The following ME3 variants were observed in gnomAD, a reference collection of about 807,000 sequenced individuals.
ME3 encodes the protein malic enzyme 3.
Under a neutral mutation model 68.9 loss-of-function variants are expected in ME3, and 48 were observed. That is an observed-to-expected ratio of 0.70 (90% confidence interval 0.55 to 0.89). ME3 has a LOEUF of 0.89. ME3 is among the 40% of genes least tolerant of loss of function. The pLI, the probability that ME3 is intolerant of heterozygous loss-of-function variation, is 0.00. For synonymous variants in ME3, 320 were observed against 318.8 expected (o/e 1.00, Z -0.04); for missense variants, 675 against 797.4 (o/e 0.85, Z 1.85).
chr11:86,641,187 T>C (rs771373905), intron 2 of ME3, among the ~76,000 whole-genome samples: 2 of 151,948 alleles, frequency 1.3e-5, no homozygotes, highest in Non-Finnish European at 2.9e-5. Flanking sequence ...AAGGACAAAA[T>C]AGGAGAAAAG....
At position 86,633,940 on chromosome 11, in the gene ME3, G is replaced by A. The variant is rs80230078; in HGVS notation, c.183+37822C>T. ...TGGCTCACAGCCCCATGCTGATTCTGCCATGACGGTGCCTTTGGAGTCCAG... is the reference window on the plus strand; with the variant it reads ...TGGCTCACAGCCCCATGCTGATTCTACCATGACGGTGCCTTTGGAGTCCAG... On this transcript the variant is annotated intron_variant, in intron 2 of 14. Transcript: ENST00000543262. Among the ~76,000 whole-genome samples the A allele has an allele frequency of 3.0e-3, 453 of 152,282 alleles. 2 individuals carry two copies. Among genetic ancestry groups the A allele is most frequent in the Middle Eastern group, 0.02 (6 of 294 alleles).
chr11:86,610,243 A>G (rs1049334051), intron 2 of ME3, among the ~76,000 whole-genome samples: 1 of 152,186 alleles, frequency 6.6e-6, no homozygotes, highest in Non-Finnish European at 1.5e-5. Flanking sequence ...AGATGTATTT[A>G]TAATGTTTCA....
chr11:86,505,064 T>A (rs1371462409), intron 5 of ME3, among the ~76,000 whole-genome samples: 1 of 152,132 alleles, frequency 6.6e-6, no homozygotes, highest in Non-Finnish European at 1.5e-5. Context: ...CCAGTGACTG[T>A]GGGAACAGAA....
intron 6 of ME3, among the ~76,000 whole-genome samples, chr11:86,493,965 G>A (rs1193725627): frequency 2.0e-5 from 3 of 151,850 alleles, no homozygotes; most frequent in African/African-American, 4.8e-5. Context: ...AGAAGGCCAA[G>A]CTTCCCTCTG....
At chr11:86,441,541 C>A in intron 14 of ME3, 101 bp from the exon 15 acceptor site, 5 of 1,174,108 alleles carry the variant, frequency 4.3e-6, no homozygotes, top group Non-Finnish European at 2.3e-6. Flanking sequence ...CCTTAAGGAA[C>A]CAGACTTGTT....
At chr11:86,474,379 TTGTC>T (rs1372185685) in intron 7 of ME3, among the ~76,000 whole-genome samples, 4 of 152,158 alleles carry the variant, frequency 2.6e-5, no homozygotes, top group African/African-American at 9.7e-5. Flanking sequence ...TTTTCCCTGT[TTGTC>T]TGAGTTCCGG....
At chr11:86,646,878 A>C (rs1945052467) in intron 2 of ME3, among the ~76,000 whole-genome samples, 1 of 152,240 alleles carries the variant, frequency 6.6e-6, no homozygotes, top group Non-Finnish European at 1.5e-5. Context: ...ACAAGCCAAA[A>C]GAGAGTGAAG....
chr11:86,582,239 G>T (rs969027189), intron 2 of ME3, among the ~76,000 whole-genome samples: 1 of 152,230 alleles, frequency 6.6e-6, no homozygotes, highest in Non-Finnish European at 1.5e-5. Flanking sequence ...TAGTTCCTCT[G>T]TTGGGAATGA....
At chr11:86,475,851 GTATATA>G (rs68158647) in intron 7 of ME3, among the ~76,000 whole-genome samples, 64 of 114,632 alleles carry the variant, frequency 5.6e-4, no homozygotes, top group Middle Eastern at 4.4e-3. Context: ...CTAATATTCA[GTATATA>G]TATATATATA....
At chr11:86,492,687 G>A (rs573814384) in intron 6 of ME3, among the ~76,000 whole-genome samples, 5 of 152,338 alleles carry the variant, frequency 3.3e-5, no homozygotes, top group African/African-American at 1.2e-4. Context: ...CCTCTGCTGT[G>A]GGAGTTAGAG....
intron 4 of ME3, among the ~76,000 whole-genome samples, chr11:86,549,532 T>G (rs550358677): frequency 4.4e-4 from 67 of 152,338 alleles, no homozygotes; most frequent in Non-Finnish European, 8.4e-4. Context: ...TTCAAATTCC[T>G]GAAAAGGACA....
intron 2 of ME3, among the ~76,000 whole-genome samples, chr11:86,629,550 C>G (rs1156688582): frequency 6.6e-6 from 1 of 152,162 alleles, no homozygotes; most frequent in Admixed American, 6.5e-5. Flanking sequence ...GCCTGAGACA[C>G]TGTATGAAGA....
chr11:86,595,244 CAT>C (rs1298707132), intron 2 of ME3, among the ~76,000 whole-genome samples: 2 of 141,930 alleles, frequency 1.4e-5, no homozygotes, highest in South Asian at 2.4e-4. Flanking sequence ...TTGTTTATCA[CAT>C]GTTAGAAATT....
chr11:86,445,377 G>C (rs1336523056), intron 13 of ME3, among the ~76,000 whole-genome samples: 1 of 152,244 alleles, frequency 6.6e-6, no homozygotes, highest in East Asian at 1.9e-4. Flanking sequence ...GTAGCTCCCT[G>C]TGGGACTCAC....
At chr11:86,457,611 G>A (rs927735042) in intron 8 of ME3, 2 of 1,238,492 alleles carry the variant, frequency 1.6e-6, no homozygotes, top group African/African-American at 3.1e-5. Flanking sequence ...GGTGCTCTTG[G>A]GCTATGCACT....
At chr11:86,467,960 A>C (rs567258559) in intron 7 of ME3, among the ~76,000 whole-genome samples, 2 of 152,244 alleles carry the variant, frequency 1.3e-5, no homozygotes, top group African/African-American at 4.8e-5. Flanking sequence ...CTGGATTCAT[A>C]GTTCCTAGAA....
chr11:86,668,433 A>T (rs1340656307), intron 2 of ME3, among the ~76,000 whole-genome samples: 4 of 152,184 alleles, frequency 2.6e-5, no homozygotes, highest in African/African-American at 9.7e-5. Context: ...TAGATCCACT[A>T]AGCTAATTTC....
At chr11:86,495,364 T>C (rs1027956438) in intron 6 of ME3, among the ~76,000 whole-genome samples, 2 of 152,220 alleles carry the variant, frequency 1.3e-5, no homozygotes, top group Non-Finnish European at 2.9e-5. Context: ...AGCTCTAAAC[T>C]TCAGCATATC....
intron 13 of ME3, among the ~76,000 whole-genome samples, chr11:86,444,556 G>T (rs996655017): frequency 1.3e-5 from 2 of 152,194 alleles, no homozygotes; most frequent in African/African-American, 2.4e-5. Context: ...GTTATCCTGA[G>T]AAGAGATATA....
Sources: gnomAD v4.1 joint callset for allele counts (sites outside exome capture counted in the v4.1 genomes callset) on GRCh38, gnomAD v4.1.1 for gene constraint, MANE v1.5 for transcripts, NCBI Gene and HGNC (gene_info 2026-07-23, HGNC 2026-07-21) for gene names.